The following PKNOX2 variants were observed in gnomAD, a reference collection of about 807,000 sequenced individuals.
PKNOX2 encodes homeobox protein PKNOX2.
Under a neutral mutation model 53.1 loss-of-function variants are expected in PKNOX2, and 14 were observed. That is an observed-to-expected ratio of 0.26 (90% CI 0.17 to 0.41). PKNOX2 has a LOEUF of 0.41. Ranked by LOEUF, PKNOX2 falls within the 10% of genes least tolerant of loss-of-function variation. PKNOX2 has a pLI of 1.00. For missense variants in PKNOX2, 496 were observed against 602.8 expected (o/e 0.82, Z 1.85); for synonymous variants, 257 against 242.8 (o/e 1.06, Z -0.54).
At chr11:125,279,992 A>AAT (rs200817457) in intron 2 of PKNOX2, among the ~76,000 whole-genome samples, 1 of 151,526 alleles carries the variant, frequency 6.6e-6, no homozygotes. Context: ...ATATATATTA[A>AAT]ATATATATAT....
At chr11:125,406,580 G>GTGCT (rs1325315750) in intron 7 of PKNOX2, among the ~76,000 whole-genome samples, 1 of 152,188 alleles carries the variant, frequency 6.6e-6, no homozygotes, top group Non-Finnish European at 1.5e-5. Context: ...GCCAGGCACT[G>GTGCT]TGCTTGCATT....
intron 3 of PKNOX2, among the ~76,000 whole-genome samples, chr11:125,345,987 G>T (rs902693706): frequency 1.3e-5 from 2 of 152,188 alleles, no homozygotes; most frequent in African/African-American, 2.4e-5. Flanking sequence ...TGGACGCGGC[G>T]TTGGGGCTGA....
chr11:125,414,766 A>G (rs993963264), intron 10 of PKNOX2, among the ~76,000 whole-genome samples: 1 of 152,092 alleles, frequency 6.6e-6, no homozygotes, highest in Non-Finnish European at 1.5e-5. Flanking sequence ...AAAAGAAGCT[A>G]ATACTTATTT....
intron 6 of PKNOX2, among the ~76,000 whole-genome samples, chr11:125,387,009 C>A (rs111356863): frequency 3.2e-4 from 48 of 152,314 alleles, no homozygotes; most frequent in African/African-American, 9.6e-4. Context: ...CCAAAGCCAC[C>A]TTTTTTCATC....
intron 2 of PKNOX2, among the ~76,000 whole-genome samples, chr11:125,318,818 T>A (rs1240360842): frequency 1.3e-5 from 2 of 152,196 alleles, no homozygotes; most frequent in Non-Finnish European, 2.9e-5. Context: ...TCCCCCATGC[T>A]GTTCTTGTGA....
intron 7 of PKNOX2, among the ~76,000 whole-genome samples, chr11:125,398,846 C>T (rs1427852506): frequency 1.3e-5 from 2 of 152,352 alleles, no homozygotes; most frequent in East Asian, 1.9e-4. Context: ...GCTCCTGAGT[C>T]CTGGAAGACA....
chr11:125,354,121 T>C (rs753480003), intron 4 of PKNOX2, among the ~76,000 whole-genome samples: 9 of 152,312 alleles, frequency 5.9e-5, no homozygotes, highest in Admixed American at 2.6e-4. Flanking sequence ...CAAACTTGCA[T>C]TGGACCCCTG....
chr11:125,339,102 T>C (rs1245484035), intron 3 of PKNOX2, among the ~76,000 whole-genome samples: 1 of 152,188 alleles, frequency 6.6e-6, no homozygotes, highest in African/African-American at 2.4e-5. Flanking sequence ...CAGAAAACCA[T>C]AGCCCCTTTC....
chr11:125,211,376 T>C (rs1404965042), intron 1 of PKNOX2, among the ~76,000 whole-genome samples: 1 of 152,150 alleles, frequency 6.6e-6, no homozygotes, highest in Non-Finnish European at 1.5e-5. Flanking sequence ...CTACTATGTA[T>C]CAGGCACTGT....
At chr11:125,406,150 G>A (rs1447682133) in intron 7 of PKNOX2, among the ~76,000 whole-genome samples, 1 of 152,230 alleles carries the variant, frequency 6.6e-6, no homozygotes, top group African/African-American at 2.4e-5. Flanking sequence ...CTGTCAAAAA[G>A]CTAATAATAC....
At chr11:125,359,933 A>G (rs1390780218) in intron 4 of PKNOX2, among the ~76,000 whole-genome samples, 1 of 152,166 alleles carries the variant, frequency 6.6e-6, no homozygotes, top group Non-Finnish European at 1.5e-5. Context: ...CATGTTGGTC[A>G]GGCTGGTCTC....
chr11:125,381,465 A>T (rs573695622), intron 5 of PKNOX2, among the ~76,000 whole-genome samples: 1 of 152,130 alleles, frequency 6.6e-6, no homozygotes, highest in Non-Finnish European at 1.5e-5. Flanking sequence ...AAGGATGGGC[A>T]GCATGTTCCT....
chr11:125,416,621 A>G (rs1475350469), intron 10 of PKNOX2, among the ~76,000 whole-genome samples: 1 of 152,070 alleles, frequency 6.6e-6, no homozygotes, highest in Non-Finnish European at 1.5e-5. Flanking sequence ...AGCACTGCTG[A>G]CTTTCAGATA....
Position 125,396,555 on chromosome 11 carries a change from T to G in PKNOX2, c.400-1319T>G, listed in dbSNP as rs142030250. ...TTTTCCTGTCACTTCTGGGAATTCA[T>G]CCTAAAGAATAATGCAGAAACTTTT... On this transcript the variant is annotated intron_variant, in intron 6 of 12. Transcript: ENST00000298282. Among the ~76,000 whole-genome samples the G allele has an allele frequency of 3.5e-3, 513 of 147,426 alleles. 6 individuals carry two copies. The highest frequency in any genetic ancestry group is 0.012 in the African/African-American group (481 of 39,566).
At chr11:125,289,976 T>G (rs1343945819) in intron 2 of PKNOX2, among the ~76,000 whole-genome samples, 1 of 151,936 alleles carries the variant, frequency 6.6e-6, no homozygotes, top group East Asian at 1.9e-4. Context: ...CTATTTCATC[T>G]AAAAAAAATA....
rs1290915659 is a variant in PKNOX2, at chr11:125,259,877, TC to T, written c.-130+24763del. Among the ~76,000 whole-genome samples the T allele has an allele frequency of 3.3e-5, 5 of 151,192 alleles. No individual in the cohort carries two copies. The East Asian group carries it at 7.8e-4, about 23-fold the overall frequency. ...CCACCCCCATTCTTTTTTTTTTAAT[TC>T]TTTTTTTTTTTTTAAAGAGACAGGG... On this transcript the variant is annotated intron_variant, in intron 2 of 12. Coordinates refer to ENST00000298282, the MANE Select transcript of PKNOX2 (RefSeq NM_001382323.2).
intron 1 of PKNOX2, among the ~76,000 whole-genome samples, chr11:125,187,660 AT>A (rs1390800297): frequency 6.8e-6 from 1 of 147,502 alleles, no homozygotes; most frequent in African/African-American, 2.6e-5. Flanking sequence ...GATGCCTTTT[AT>A]TTCTTTTTTT....
At chr11:125,227,163 A>G (rs1941767124) in intron 1 of PKNOX2, among the ~76,000 whole-genome samples, 1 of 152,190 alleles carries the variant, frequency 6.6e-6, no homozygotes, top group Non-Finnish European at 1.5e-5. Flanking sequence ...CACCCCTGAT[A>G]GCTCTCAATG....
At chr11:125,368,729 G>C (rs1010766612) in intron 5 of PKNOX2, among the ~76,000 whole-genome samples, 1 of 152,280 alleles carries the variant, frequency 6.6e-6, no homozygotes, top group African/African-American at 2.4e-5. Context: ...GGTGGGATGG[G>C]GCTCAGGGAA....
Sources: allele counts gnomAD v4.1 joint callset (sites outside exome capture counted in the v4.1 genomes callset), GRCh38; gene constraint gnomAD v4.1.1; transcripts MANE v1.5; gene names NCBI Gene and HGNC (gene_info 2026-07-23, HGNC 2026-07-21).